The following ST6GALNAC3 variants were observed in gnomAD, a reference collection of about 807,000 sequenced individuals.
The protein encoded by ST6GALNAC3 is alpha-N-acetylgalactosaminide alpha-2,6-sialyltransferase 3.
ST6GALNAC3 carries 25 observed loss-of-function variants against 32.7 expected under a neutral mutation model. That is an observed-to-expected ratio of 0.76 (90% CI 0.56 to 1.07). ST6GALNAC3 has a LOEUF of 1.07. Among genes scored for constraint, ST6GALNAC3 ranks in the 50% least tolerant of loss-of-function variants. ST6GALNAC3 has a pLI of 0.00. For synonymous variants in ST6GALNAC3, 129 were observed against 133.1 expected (o/e 0.97, Z 0.21); for missense variants, 355 against 382.4 (o/e 0.93, Z 0.60).
intron 1 of ST6GALNAC3, among the ~76,000 whole-genome samples, chr1:76,124,224 C>T (rs1167327893): frequency 6.6e-6 from 1 of 152,076 alleles, no homozygotes; most frequent in African/African-American, 2.4e-5. Context: ...TCGTGCCTGC[C>T]CTTCCTCTTT....
At position 76,628,629 on chromosome 1, in the gene ST6GALNAC3, G is replaced by A. The variant is rs748548221; in HGVS notation, c.741G>A (p.Gly247=). Residue 247 remains glycine, a synonymous_variant, in exon 5 of 5, where the codon GGG becomes GGA. Coordinates refer to ENST00000328299, the MANE Select transcript of ST6GALNAC3 (RefSeq NM_152996.4). The part of the protein sequence containing the change: ...MINDTYCKTE[G]YRKVPYHYYE... ...TTTTTTTCTTTTCTAGGACAGAAGG[G>A]TATAGAAAAGTCCCCTACCATTATT... is the stretch of plus-strand genomic sequence containing the variant. 1.2e-6 allele frequency: 2 copies of A among 1,605,426 alleles called. No individual in the cohort carries two copies. Among genetic ancestry groups the A allele is most frequent in the East Asian group, 4.5e-5 (2 of 44,736 alleles).
intron 1 of ST6GALNAC3, among the ~76,000 whole-genome samples, chr1:76,254,583 G>A (rs1320117225): frequency 2.6e-5 from 4 of 152,090 alleles, no homozygotes; most frequent in African/African-American, 9.7e-5. Flanking sequence ...TTGGCTTTTA[G>A]TCTACCAGGT....
intron 3 of ST6GALNAC3, among the ~76,000 whole-genome samples, chr1:76,608,079 G>A (rs1319097121): frequency 6.6e-6 from 1 of 152,164 alleles, no homozygotes; most frequent in Non-Finnish European, 1.5e-5. Context: ...AAGCTTTAGT[G>A]TCCTGCCTCA....
At chr1:76,088,478 G>A (rs1254433466) in intron 1 of ST6GALNAC3, among the ~76,000 whole-genome samples, 1 of 152,162 alleles carries the variant, frequency 6.6e-6, no homozygotes, top group African/African-American at 2.4e-5. Flanking sequence ...AACTTAGGAA[G>A]GCCCACTTAG....
chr1:76,444,995 C>T (rs1028408422), intron 3 of ST6GALNAC3, among the ~76,000 whole-genome samples: 5 of 152,112 alleles, frequency 3.3e-5, no homozygotes, highest in African/African-American at 4.8e-5. Flanking sequence ...CTGAAATAAC[C>T]AGTACTGACT....
At chr1:76,085,146 T>C (rs1646948367) in intron 1 of ST6GALNAC3, among the ~76,000 whole-genome samples, 1 of 152,130 alleles carries the variant, frequency 6.6e-6, no homozygotes, top group Admixed American at 6.5e-5. Context: ...GAAAATGATA[T>C]GAAATTCAAA....
intron 1 of ST6GALNAC3, among the ~76,000 whole-genome samples, chr1:76,272,795 G>C (rs1045696275): frequency 6.6e-6 from 1 of 152,186 alleles, no homozygotes. Context: ...AGCAATGAAA[G>C]AATAGGCTAA....
At chr1:76,443,709 C>A (rs1656773259) in intron 3 of ST6GALNAC3, among the ~76,000 whole-genome samples, 1 of 152,244 alleles carries the variant, frequency 6.6e-6, no homozygotes, top group South Asian at 2.1e-4. Flanking sequence ...TTAAAGCACA[C>A]AATATGAAGC....
chr1:76,244,658 G>A (rs1044371021), intron 1 of ST6GALNAC3, among the ~76,000 whole-genome samples: 1 of 152,170 alleles, frequency 6.6e-6, no homozygotes, highest in Non-Finnish European at 1.5e-5. Context: ...ATGAAGTAAT[G>A]TTGAATTTTA....
intron 1 of ST6GALNAC3, among the ~76,000 whole-genome samples, chr1:76,102,104 T>C (rs1166521814): frequency 2.6e-5 from 4 of 152,214 alleles, no homozygotes; most frequent in Non-Finnish European, 5.9e-5. Flanking sequence ...AATATGACTG[T>C]AGACTTGTCT....
At chr1:76,466,823 A>T (rs1429237267) in intron 3 of ST6GALNAC3, among the ~76,000 whole-genome samples, 1 of 152,100 alleles carries the variant, frequency 6.6e-6, no homozygotes, top group Non-Finnish European at 1.5e-5. Context: ...GCTCAGTAAA[A>T]AGTACTAATT....
At position 76,490,856 on chromosome 1, in the gene ST6GALNAC3, CTTTTTTTTTG is replaced by C. The variant is rs564319733; in HGVS notation, c.623+78450_623+78459del. 5.7e-4 allele frequency among the ~76,000 whole-genome samples: 76 copies of C among 133,990 alleles called. No individual in the cohort carries two copies. In the South Asian group the frequency reaches 0.011, roughly 20 times the overall value. 87.9% of individuals were successfully genotyped at this position (133,990 alleles called of 152,430 possible). Reference sequence around the variant, plus strand: ...TTTAGTTTCTTTTTTTTCTTTTTTTCTTTTTTTTTGTTTTTTTTTGAGACAGAGTTTGACT... The same window carrying C: ...TTTAGTTTCTTTTTTTTCTTTTTTTCTTTTTTTTTGAGACAGAGTTTGACT... On this transcript the variant is annotated intron_variant, in intron 3 of 4. Coordinates refer to ENST00000328299, the MANE Select transcript of ST6GALNAC3 (RefSeq NM_152996.4).
At chr1:76,078,987 G>A (rs1646854042) in intron 1 of ST6GALNAC3, among the ~76,000 whole-genome samples, 1 of 152,126 alleles carries the variant, frequency 6.6e-6, no homozygotes, top group African/African-American at 2.4e-5. Context: ...TCACCATGTT[G>A]GCCAGGCTGG....
chr1:76,471,246 G>T (rs1372516493), intron 3 of ST6GALNAC3, among the ~76,000 whole-genome samples: 2 of 152,052 alleles, frequency 1.3e-5, no homozygotes, highest in East Asian at 3.9e-4. Context: ...TACCGTTAAG[G>T]TGTAGTTCAG....
intron 3 of ST6GALNAC3, among the ~76,000 whole-genome samples, chr1:76,622,398 C>A (rs1191178807): frequency 6.6e-6 from 1 of 151,796 alleles, no homozygotes; most frequent in African/African-American, 2.4e-5. Flanking sequence ...GAAGGAAGTA[C>A]GATGCTTGGT....
intron 3 of ST6GALNAC3, among the ~76,000 whole-genome samples, chr1:76,556,368 G>GT (rs1195111576): frequency 8.6e-5 from 13 of 151,860 alleles, no homozygotes; most frequent in African/African-American, 3.1e-4. Context: ...GTGAAAATAA[G>GT]TTTTTTTCTT....
chr1:76,446,324 A>G (rs545265473), intron 3 of ST6GALNAC3, among the ~76,000 whole-genome samples: 10 of 152,060 alleles, frequency 6.6e-5, no homozygotes, highest in South Asian at 2.1e-4. Flanking sequence ...TGATGAACCT[A>G]TGTTGATGCA....
Position 76,207,091 on chromosome 1 carries a change from T to C in ST6GALNAC3, c.19-106714T>C, listed in dbSNP as rs1570434308. On this transcript the variant is annotated intron_variant, in intron 1 of 4. Coordinates refer to ENST00000328299, the MANE Select transcript of ST6GALNAC3 (RefSeq NM_152996.4). The stretch of plus-strand genomic sequence containing the variant: ...ATTATGTTGGACTTCTGATTCCTCT[T>C]TCTATAATTTTAATAGTCACTGTGT... Among the ~76,000 whole-genome samples, 3 of 152,232 alleles carry C rather than the reference T, an allele frequency of 2.0e-5. No individual in the cohort carries two copies. The East Asian group carries it at 5.8e-4, about 29-fold the overall frequency.
chr1:76,491,049 G>T (rs748568475), intron 3 of ST6GALNAC3, among the ~76,000 whole-genome samples: 2 of 151,762 alleles, frequency 1.3e-5, no homozygotes, highest in Non-Finnish European at 2.9e-5. Flanking sequence ...GTAGAGATGG[G>T]GTTTCTCCAA....
Sources: allele counts gnomAD v4.1 joint callset (sites outside exome capture counted in the v4.1 genomes callset), GRCh38; gene constraint gnomAD v4.1.1; transcripts MANE v1.5; gene names NCBI Gene and HGNC (gene_info 2026-07-23, HGNC 2026-07-21).